The following ADTRP variants were observed in gnomAD, a reference collection of about 807,000 sequenced individuals.
The protein encoded by ADTRP is androgen-dependent TFPI-regulating protein.
A neutral mutation model predicts 27.0 loss-of-function variants in ADTRP; 20 were observed. That is an observed-to-expected ratio of 0.74 (90% CI 0.52 to 1.08). The LOEUF (loss-of-function observed/expected upper bound fraction) is 1.08, where lower values mean the gene tolerates loss of function less well. ADTRP is among the 50% of genes least tolerant of loss of function. The pLI, the probability that ADTRP is intolerant of heterozygous loss-of-function variation, is 0.00. For synonymous variants in ADTRP, 101 were observed against 105.2 expected (o/e 0.96, Z 0.25); for missense variants, 251 against 275.0 (o/e 0.91, Z 0.62).
chr6:11,773,528 T>C (rs897832367), intron 1 of ADTRP, among the ~76,000 whole-genome samples: 1 of 152,208 alleles, frequency 6.6e-6, no homozygotes, highest in African/African-American at 2.4e-5. Context: ...GGATGCCAGT[T>C]ATGGCAGGCA....
chr6:11,720,011 C>T (rs1761965164), intron 5 of ADTRP, among the ~76,000 whole-genome samples: 1 of 152,168 alleles, frequency 6.6e-6, no homozygotes, highest in South Asian at 2.1e-4. Context: ...AAAGCTGGGG[C>T]ACAGAGACCT....
intron 5 of ADTRP, among the ~76,000 whole-genome samples, chr6:11,718,719 G>C (rs1217238241): frequency 1.3e-5 from 2 of 152,232 alleles, no homozygotes; most frequent in Non-Finnish European, 2.9e-5. Flanking sequence ...CCCAGTAACT[G>C]ACTCTGTGCT....
intron 3 of ADTRP, among the ~76,000 whole-genome samples, chr6:11,759,226 G>A (rs1169245128): frequency 6.6e-6 from 1 of 152,324 alleles, no homozygotes; most frequent in South Asian, 2.1e-4. Context: ...GGCAGAGAGG[G>A]GAAGTGGAAG....
At chr6:11,738,648 G>A (rs147965168) in intron 3 of ADTRP, 1 of 152,234 alleles carries the variant, frequency 6.6e-6, no homozygotes, top group Non-Finnish European at 1.5e-5. Flanking sequence ...GTGTGTTCGC[G>A]TTAGGAGTAA....
intron 4 of ADTRP, among the ~76,000 whole-genome samples, chr6:11,723,831 G>A (rs1039013838): frequency 1.3e-5 from 2 of 152,104 alleles, no homozygotes; most frequent in African/African-American, 2.4e-5. Context: ...GGCTGAGGGG[G>A]GTGGATCACC....
intron 3 of ADTRP, among the ~76,000 whole-genome samples, chr6:11,741,140 G>A (rs1020879268): frequency 1.3e-5 from 2 of 152,190 alleles, no homozygotes; most frequent in African/African-American, 4.8e-5. Flanking sequence ...ACTTCTCTTT[G>A]ATCTCCACTG....
intron 3 of ADTRP, among the ~76,000 whole-genome samples, chr6:11,742,608 G>A (rs1342967773): frequency 6.6e-6 from 1 of 152,176 alleles, no homozygotes; most frequent in Admixed American, 6.5e-5. Flanking sequence ...CATTAGGCCT[G>A]AAAGAAATTA....
At chr6:11,767,335 A>C (rs772047756) in intron 2 of ADTRP, among the ~76,000 whole-genome samples, 1 of 152,144 alleles carries the variant, frequency 6.6e-6, no homozygotes, top group African/African-American at 2.4e-5. Context: ...TTTATCTCAA[A>C]CCCCTCCCCT....
At chr6:11,765,475 G>A (rs541510538) in intron 3 of ADTRP, among the ~76,000 whole-genome samples, 30 of 151,900 alleles carry the variant, frequency 2.0e-4, no homozygotes, top group Non-Finnish European at 3.7e-4. Context: ...TTACAGGAGC[G>A]TGCCACCACA....
chr6:11,754,142 C>T (rs747505537), intron 3 of ADTRP, among the ~76,000 whole-genome samples: 19 of 152,206 alleles, frequency 1.2e-4, no homozygotes, highest in Non-Finnish European at 2.2e-4. Context: ...ACCTTTTACT[C>T]ACACTTCAGT....
At position 11,778,745 on chromosome 6, in the gene ADTRP, A is replaced by T. The variant is rs368136686; in HGVS notation, c.15T>A (p.Ser5=). 21 of 1,614,006 alleles carry T rather than the reference A, an allele frequency of 1.3e-5. No individual in the cohort carries two copies. The highest frequency in any genetic ancestry group is 1.7e-5 in the Admixed American group (1 of 60,002). Residue 5 remains serine, a synonymous_variant, in exon 1 of 6, where the codon TCT becomes TCA. Transcript: ENST00000414691. The part of the protein sequence containing the change: MTKT[S]TCIYHFLVLS... ...GAACAAGGAAGTGGTATATGCATGTAGAAGTCTTCGTCATGGCGAGTGCTG... is the reference window on the plus strand; with the variant it reads ...GAACAAGGAAGTGGTATATGCATGTTGAAGTCTTCGTCATGGCGAGTGCTG...
At position 11,714,338 on chromosome 6, in the gene ADTRP, T is replaced by C. The variant is rs1367265676; in HGVS notation, c.*140A>G. The C allele has an allele frequency of 9.4e-6, 9 of 959,528 alleles. No homozygotes were observed. Among genetic ancestry groups the C allele is most frequent in the Admixed American group, 2.9e-5 (1 of 35,020 alleles). The allele number at this position is 959,528 out of a possible 1,614,324, so 59.4% of individuals were successfully genotyped here. A position where few individuals can be genotyped will look rare whatever the true frequency, so the allele number is the denominator to read the frequency against. ...AGTTAAGCTACCTTCACGAACCTCT[T>C]ATTAAATTTAAGTATCACTCTCTGT... On this transcript the variant is annotated 3_prime_UTR_variant, in exon 6 of 6. Transcript: ENST00000414691.
At chr6:11,722,713 T>A (rs1330953741) in intron 5 of ADTRP, among the ~76,000 whole-genome samples, 2 of 152,164 alleles carry the variant, frequency 1.3e-5, no homozygotes, top group Non-Finnish European at 2.9e-5. Context: ...AAGATGATTT[T>A]TTTTTCTTAG....
rs571127218 is a variant in ADTRP, at chr6:11,744,148, G to C, written c.391-8465C>G. Among the ~76,000 whole-genome samples the C allele has an allele frequency of 2.3e-3, 347 of 152,116 alleles. 1 individual carries two copies. Among genetic ancestry groups the C allele is most frequent in the African/African-American group, 8.0e-3 (331 of 41,500 alleles). On this transcript the variant is annotated intron_variant, in intron 3 of 5. Transcript: ENST00000414691. ...AGATCTGGTTCTTAAAAAGAACCTG[G>C]CACCTCCTCCCCTCTCTCTTGCCTC...
chr6:11,723,764 TAA>T (rs1561742132), intron 4 of ADTRP, among the ~76,000 whole-genome samples: 1 of 152,044 alleles, frequency 6.6e-6, no homozygotes, highest in Admixed American at 6.5e-5. Context: ...TGAAAAAATA[TAA>T]GAGAACATAG....
intron 3 of ADTRP, chr6:11,735,945 T>G: frequency 2.0e-5 from 6 of 302,520 alleles, no homozygotes; most frequent in Non-Finnish European, 1.9e-5. Flanking sequence ...TGCTCCCCTC[T>G]CCCTACTTTT....
intron 4 of ADTRP, among the ~76,000 whole-genome samples, chr6:11,734,151 A>G (rs1762472244): frequency 6.6e-6 from 1 of 152,236 alleles, no homozygotes; most frequent in African/African-American, 2.4e-5. Context: ...TGCAAGAACA[A>G]CAACAACAAA....
Position 11,723,397 on chromosome 6 carries a change from TGAA to T in ADTRP, c.607_609del (p.Phe203del), listed in dbSNP as rs1159535497. On this transcript the variant is annotated inframe_deletion, in exon 5 of 6. Coordinates refer to ENST00000414691, the MANE Select transcript of ADTRP (RefSeq NM_032744.4). ...TCTCCAAGTAGGTAGATGCTGGCGA[TGAA>T]GACGTAGCTGAGAGAGAAGAAAGCT... is the stretch of plus-strand genomic sequence containing the variant. 1.9e-6 allele frequency: 3 copies of T among 1,614,112 alleles called. No individual in the cohort carries two copies. In the South Asian group the frequency reaches 3.3e-5, roughly 18 times the overall value.
chr6:11,764,941 G>A (rs1763511825), intron 3 of ADTRP, among the ~76,000 whole-genome samples: 1 of 147,364 alleles, frequency 6.8e-6, no homozygotes. Flanking sequence ...CTACATCAGT[G>A]TCTCAGATTA....
Sources: allele counts gnomAD v4.1 joint callset (sites outside exome capture counted in the v4.1 genomes callset), GRCh38; gene constraint gnomAD v4.1.1; transcripts MANE v1.5; gene names NCBI Gene and HGNC (gene_info 2026-07-23, HGNC 2026-07-21).